CSMD1: variants seen among roughly 807,000 people sequenced by gnomAD.
CSMD1 encodes the protein CUB and sushi domain-containing protein 1.
A neutral mutation model predicts 417.5 loss-of-function variants in CSMD1; 213 were observed. That is an observed-to-expected ratio of 0.51 (90% confidence interval 0.46 to 0.57). CSMD1 has a LOEUF of 0.57. CSMD1 is among the 20% of genes least tolerant of loss of function. CSMD1 has a pLI of 0.00. For missense variants in CSMD1, 6,923 were observed against 4,529.7 expected, an observed-to-expected ratio of 1.53 and a Z score of -15.17; for synonymous variants, 2,862 against 1,736.8, an observed-to-expected ratio of 1.65 and a Z score of -16.11.
chr8:4,572,924 T>C (rs1798956479), intron 2 of CSMD1, among the ~76,000 whole-genome samples: 1 of 152,202 alleles, frequency 6.6e-6, no homozygotes, highest in Admixed American at 6.5e-5. Flanking sequence ...CTGATACTTG[T>C]GTATGCGTCA....
intron 7 of CSMD1, among the ~76,000 whole-genome samples, chr8:3,633,221 A>G (rs573143293): frequency 6.6e-6 from 1 of 152,346 alleles, no homozygotes; most frequent in South Asian, 2.1e-4. Context: ...CATAACTTAA[A>G]ATGTCTACAT....
At chr8:4,003,330 T>A (rs886992556) in intron 4 of CSMD1, among the ~76,000 whole-genome samples, 1 of 151,870 alleles carries the variant, frequency 6.6e-6, no homozygotes, top group African/African-American at 2.4e-5. Flanking sequence ...GAGGTGGAGC[T>A]TGCAGTGAGC....
intron 1 of CSMD1, among the ~76,000 whole-genome samples, chr8:4,834,829 C>T (rs1379629348): frequency 4.6e-5 from 7 of 150,716 alleles, no homozygotes; most frequent in Non-Finnish European, 8.9e-5. Context: ...TGGTGGTGGG[C>T]GCCTGTAATC....
At chr8:4,391,507 T>C (rs1348929261) in intron 3 of CSMD1, among the ~76,000 whole-genome samples, 2 of 152,098 alleles carry the variant, frequency 1.3e-5, no homozygotes, top group East Asian at 3.9e-4. Flanking sequence ...CTGTGACCAG[T>C]GCAGGAGACC....
intron 2 of CSMD1, among the ~76,000 whole-genome samples, chr8:4,475,179 T>A (rs1371890919): frequency 6.6e-6 from 1 of 152,206 alleles, no homozygotes; most frequent in Non-Finnish European, 1.5e-5. Context: ...TGGTTGCCTA[T>A]AATACAGGGC....
At chr8:4,084,189 AT>A (rs917334663) in intron 3 of CSMD1, among the ~76,000 whole-genome samples, 3 of 152,108 alleles carry the variant, frequency 2.0e-5, no homozygotes, top group Non-Finnish European at 2.9e-5. Flanking sequence ...TTTAAAATGT[AT>A]TTTTTCCTGA....
chr8:3,555,117 G>A (rs1030311192), intron 10 of CSMD1, among the ~76,000 whole-genome samples: 2 of 152,002 alleles, frequency 1.3e-5, no homozygotes, highest in Admixed American at 1.3e-4. Flanking sequence ...GCAAACCCTG[G>A]CAGGCGCTAT....
intron 1 of CSMD1, among the ~76,000 whole-genome samples, chr8:4,970,589 T>A (rs1032685511): frequency 1.3e-5 from 2 of 152,012 alleles, no homozygotes; most frequent in African/African-American, 4.8e-5. Flanking sequence ...TGATTTTTTT[T>A]TACCAGAAAT....
chr8:4,529,687 G>C (rs886291147), intron 2 of CSMD1, among the ~76,000 whole-genome samples: 1 of 152,010 alleles, frequency 6.6e-6, no homozygotes, highest in African/African-American at 2.4e-5. Context: ...TTTAGTGTAA[G>C]TATAATTCAT....
intron 3 of CSMD1, among the ~76,000 whole-genome samples, chr8:4,300,487 T>C (rs1797923260): frequency 6.6e-6 from 1 of 152,230 alleles, no homozygotes; most frequent in Non-Finnish European, 1.5e-5. Flanking sequence ...AATACAGTCT[T>C]CTTAACGTTA....
At chr8:4,346,315 T>A (rs1034319663) in intron 3 of CSMD1, among the ~76,000 whole-genome samples, 6 of 152,176 alleles carry the variant, frequency 3.9e-5, no homozygotes, top group Non-Finnish European at 8.8e-5. Context: ...TCAGTGACCA[T>A]AAATCCAGTT....
At chr8:4,854,588 T>A (rs896426572) in intron 1 of CSMD1, among the ~76,000 whole-genome samples, 14 of 152,140 alleles carry the variant, frequency 9.2e-5, no homozygotes, top group Admixed American at 5.2e-4. Flanking sequence ...GGGCGAGGCA[T>A]TGCCTCACTT....
At chr8:4,181,247 C>A (rs1173686193) in intron 3 of CSMD1, among the ~76,000 whole-genome samples, 3 of 152,134 alleles carry the variant, frequency 2.0e-5, no homozygotes, top group African/African-American at 7.2e-5. Context: ...TATAGCCATA[C>A]CACCCTGAAC....
chr8:3,323,692 A>T (rs1806301556), intron 23 of CSMD1, among the ~76,000 whole-genome samples: 1 of 152,238 alleles, frequency 6.6e-6, no homozygotes, highest in Non-Finnish European at 1.5e-5. Flanking sequence ...GCAGCAGGTA[A>T]GTAGCAGAGC....
chr8:3,361,399 C>T (rs1022479952), intron 20 of CSMD1, among the ~76,000 whole-genome samples: 10 of 151,766 alleles, frequency 6.6e-5, no homozygotes, highest in African/African-American at 1.9e-4. Context: ...GAGGCAGAGG[C>T]GGGTGGATCA....
At chr8:3,583,572 G>T (rs889347046) in intron 9 of CSMD1, among the ~76,000 whole-genome samples, 4 of 151,960 alleles carry the variant, frequency 2.6e-5, no homozygotes, top group African/African-American at 9.7e-5. Flanking sequence ...GTGTCCAAGA[G>T]GCCACTTGAT....
chr8:3,109,220 G>A (rs1219432176), intron 43 of CSMD1, among the ~76,000 whole-genome samples: 11 of 152,174 alleles, frequency 7.2e-5, no homozygotes, highest in African/African-American at 2.7e-4. Flanking sequence ...AGCCAAGATC[G>A]CGCCACTGCA....
intron 6 of CSMD1, among the ~76,000 whole-genome samples, chr8:3,715,844 G>A (rs940573971): frequency 2.0e-5 from 3 of 152,068 alleles, no homozygotes; most frequent in African/African-American, 7.2e-5. Flanking sequence ...CGCCCGGCCT[G>A]CAAACAGCTT....
chr8:4,898,368 C>T (rs1350197939), intron 1 of CSMD1, among the ~76,000 whole-genome samples: 2 of 150,862 alleles, frequency 1.3e-5, no homozygotes, highest in Non-Finnish European at 2.9e-5. Context: ...CTGTGTCACA[C>T]CTGCCATTTT....
Sources: gnomAD v4.1 joint callset for allele counts (sites outside exome capture counted in the v4.1 genomes callset) on GRCh38, gnomAD v4.1.1 for gene constraint, MANE v1.5 for transcripts, NCBI Gene and HGNC (gene_info 2026-07-23, HGNC 2026-07-21) for gene names.